The following ACSL4 variants were observed in gnomAD, a reference collection of about 807,000 sequenced individuals.
ACSL4 encodes the protein acyl-CoA synthetase long chain family member 4, also known as long-chain-fatty-acid--CoA ligase 4.
A neutral mutation model predicts 49.1 loss-of-function variants in ACSL4; 9 were observed. That is an observed-to-expected ratio of 0.18 (90% CI 0.11 to 0.32). ACSL4 has a LOEUF of 0.32. ACSL4 is among the 10% of genes least tolerant of loss of function. The pLI, the probability that ACSL4 is intolerant of heterozygous loss-of-function variation, is 1.00. For missense variants in ACSL4, 333 were observed against 493.7 expected (o/e 0.67, Z 3.08); for synonymous variants, 191 against 170.3 (o/e 1.12, Z -0.95).
At chrX:109,686,570 G>A (rs1213560895) in intron 2 of ACSL4, among the ~76,000 whole-genome samples, 2 of 111,874 alleles carry the variant, frequency 1.8e-5, no homozygotes, top group Non-Finnish European at 3.8e-5. Context: ...AAATCTTCAG[G>A]CTTAAGGCTG....
rs1389425732 is a variant in ACSL4 at position 109,663,406 on chromosome X, G to A, written c.1391-4C>T. 1 of 1,202,177 alleles carries A rather than the reference G, an allele frequency of 8.3e-7. No individual in the cohort carries two copies. The highest frequency in any genetic ancestry group is 1.1e-6 in the Non-Finnish European group (1 of 887,345). Reference sequence around the variant, plus strand: ...TTGTCATTAATTGTATAACCGCCTGGAAATCATAAAAGTAAATTAGTTATT... The same window carrying A: ...TTGTCATTAATTGTATAACCGCCTGAAAATCATAAAAGTAAATTAGTTATT... On this transcript the variant is annotated splice_region_variant and splice_polypyrimidine_tract_variant and intron_variant, in intron 12 of 15. Coordinates refer to ENST00000672401, the MANE Select transcript of ACSL4 (RefSeq NM_001318510.2).
intron 2 of ACSL4, among the ~76,000 whole-genome samples, chrX:109,695,422 T>C (rs867419727): frequency 7.6e-4 from 81 of 106,764 alleles, no homozygotes; most frequent in African/African-American, 2.7e-3. Flanking sequence ...CCATCAATAA[T>C]AATGAACCAC....
intron 2 of ACSL4, among the ~76,000 whole-genome samples, chrX:109,690,761 G>C (rs759906394): frequency 2.1e-4 from 21 of 100,486 alleles, no homozygotes; most frequent in Admixed American, 1.1e-3. Flanking sequence ...ACATTTTAGG[G>C]GGGGGGGGCC....
intron 1 of ACSL4, among the ~76,000 whole-genome samples, chrX:109,721,529 C>T (rs1927550689): frequency 9.0e-6 from 1 of 111,071 alleles, no homozygotes; most frequent in African/African-American, 3.3e-5. Flanking sequence ...GTCAGAAGTT[C>T]GAGACCAGCC....
At chrX:109,644,218 G>T in intron 15 of ACSL4, 32 bp from the exon 16 acceptor site, 2 of 1,176,128 alleles carry the variant, frequency 1.7e-6, no homozygotes, top group Non-Finnish European at 1.2e-6. Flanking sequence ...GGGAGAAAAG[G>T]AGAGGGGGGG....
intron 12 of ACSL4, among the ~76,000 whole-genome samples, chrX:109,664,225 A>C (rs765429501): frequency 9.0e-6 from 1 of 110,737 alleles, no homozygotes; most frequent in African/African-American, 3.3e-5. Flanking sequence ...AGCAAGGAAA[A>C]CTCCAAATAC....
chrX:109,653,091 C>G, intron 15 of ACSL4, among the ~76,000 whole-genome samples: 1 of 111,549 alleles, frequency 9.0e-6, no homozygotes. Context: ...TCATATATCT[C>G]TGATAGGAAT....
At chrX:109,675,710 T>A (rs1333728973) in intron 8 of ACSL4, among the ~76,000 whole-genome samples, 1 of 112,043 alleles carries the variant, frequency 8.9e-6, no homozygotes, top group African/African-American at 3.2e-5. Context: ...ATACTCAAAG[T>A]TTACTGAAAT....
At chrX:109,730,368 A>C (rs1042884741) in intron 1 of ACSL4, among the ~76,000 whole-genome samples, 1 of 112,539 alleles carries the variant, frequency 8.9e-6, no homozygotes, top group Non-Finnish European at 1.9e-5. Context: ...GAAAGGATGG[A>C]GAAAAAGGTA....
intron 1 of ACSL4, among the ~76,000 whole-genome samples, chrX:109,708,748 G>A (rs1035730989): frequency 1.8e-5 from 2 of 111,946 alleles, no homozygotes; most frequent in African/African-American, 6.5e-5. Context: ...CTGAAACGTT[G>A]TGAGCACCAA....
intron 15 of ACSL4, among the ~76,000 whole-genome samples, chrX:109,658,110 ATCT>A (rs1430915310): frequency 9.0e-6 from 1 of 111,339 alleles, no homozygotes; most frequent in Non-Finnish European, 1.9e-5. Context: ...TGACCTCATC[ATCT>A]TCTTGTATAT....
chrX:109,692,179 C>A (rs1210328614), intron 2 of ACSL4: 1 of 111,295 alleles, frequency 9.0e-6, no homozygotes, highest in African/African-American at 3.3e-5. Context: ...TAAGAAGATC[C>A]CCAGCATGCA....
intron 1 of ACSL4, among the ~76,000 whole-genome samples, chrX:109,706,644 C>A (rs1031399872): frequency 4.4e-5 from 5 of 112,384 alleles, no homozygotes; most frequent in African/African-American, 1.6e-4. Context: ...TGCTGTCACA[C>A]TGATAATTCT....
At chrX:109,722,703 T>A (rs896377901) in intron 1 of ACSL4, among the ~76,000 whole-genome samples, 44 of 110,837 alleles carry the variant, frequency 4.0e-4, no homozygotes, top group Admixed American at 1.4e-3. Flanking sequence ...TTTTTTTTTT[T>A]AATTCTGGTT....
In ACSL4 at chrX:109,678,979, C is replaced by T. The variant is rs753821405; in HGVS notation, c.656-564G>A. Among the ~76,000 whole-genome samples, 5 of 112,181 alleles carry T rather than the reference C, an allele frequency of 4.5e-5. No homozygotes were observed. In the South Asian group the frequency reaches 1.8e-3, roughly 41 times the overall value. ...CTGGGACTTTGGAGTATCAGGAGGA[C>T]AGAGTATGTGTATAAACTTCTTAGG... On this transcript the variant is annotated intron_variant, in intron 6 of 15. Transcript: ENST00000672401.
At chrX:109,677,958 A>T in intron 8 of ACSL4, 30 bp downstream of exon 8, 1 of 1,209,428 alleles carries the variant, frequency 8.3e-7, no homozygotes, top group Non-Finnish European at 1.1e-6. Context: ...GCATCATACG[A>T]TCATGCCAAT....
chrX:109,723,757 G>T (rs1027431223), intron 1 of ACSL4, among the ~76,000 whole-genome samples: 1 of 112,002 alleles, frequency 8.9e-6, no homozygotes, highest in African/African-American at 3.2e-5. Flanking sequence ...TAAAACTATT[G>T]GGTCAAAATG....
chrX:109,725,411 C>T (rs1927898988), intron 1 of ACSL4, among the ~76,000 whole-genome samples: 1 of 111,407 alleles, frequency 9.0e-6, no homozygotes. Context: ...GAGGCCAAGA[C>T]CTTTTTCTCT....
At chrX:109,679,011 T>C (rs1481706606) in intron 6 of ACSL4, among the ~76,000 whole-genome samples, 1 of 111,800 alleles carries the variant, frequency 8.9e-6, no homozygotes, top group Non-Finnish European at 1.9e-5. Context: ...TAGGCCTCAG[T>C]TTCTCATCTC....
Sources: allele counts gnomAD v4.1 joint callset (sites outside exome capture counted in the v4.1 genomes callset), GRCh38; gene constraint gnomAD v4.1.1; transcripts MANE v1.5; gene names NCBI Gene and HGNC (gene_info 2026-07-23, HGNC 2026-07-21).